TLE4: variants seen among roughly 807,000 people sequenced by gnomAD.
TLE4 encodes the protein TLE family member 4, transcriptional corepressor, also known as transducin-like enhancer protein 4.
A neutral mutation model predicts 92.8 loss-of-function variants in TLE4; 8 were observed. The ratio of observed to expected loss-of-function variants is 0.09; its 90% confidence interval spans 0.05 to 0.16. The LOEUF is 0.16. Ranked by LOEUF, TLE4 falls within the 10% of genes least tolerant of loss-of-function variation. TLE4 has a pLI of 1.00. For missense variants in TLE4, 675 were observed against 997.6 expected (o/e 0.68, Z 4.36); for synonymous variants, 371 against 374.1 (o/e 0.99, Z 0.10).
chr9:79,578,432 A>G (rs1157676607), intron 4 of TLE4, among the ~76,000 whole-genome samples: 2 of 152,298 alleles, frequency 1.3e-5, no homozygotes, highest in East Asian at 3.9e-4. Context: ...GCCACAGAAT[A>G]TTTATTTTTA....
At chr9:79,601,506 T>G (rs2045652928) in intron 4 of TLE4, 1 of 453,880 alleles carries the variant, frequency 2.2e-6, no homozygotes, top group African/African-American at 2.0e-5. Flanking sequence ...TGTGTCACAT[T>G]TTGGTAACTC....
chr9:79,708,144 A>G lies in TLE4; in HGVS notation c.963A>G (p.Ser321=). The part of the protein sequence containing the change: ...SLNEKSTTPV[S]KSNTPTPRTD... ...ATGAAAAATCTACTACTCCCGTCTC[A>G]AAGTCCAATACCCCTACTCCACGAA... The change falls in exon 12 of 20, where the codon TCA becomes TCG. Residue 321 remains serine (S), a synonymous_variant. Transcript: ENST00000376552. 4.3e-6 allele frequency: 7 copies of G among 1,614,056 alleles called. No individual in the cohort carries two copies. The highest frequency in any genetic ancestry group is 5.9e-6 in the Non-Finnish European group (7 of 1,179,956).
intron 8 of TLE4, among the ~76,000 whole-genome samples, chr9:79,681,662 T>C (rs1459427682): frequency 6.6e-6 from 1 of 152,100 alleles, no homozygotes; most frequent in African/African-American, 2.4e-5. Context: ...ACAGATCTGT[T>C]CAGTGATTCT....
intron 8 of TLE4, among the ~76,000 whole-genome samples, 155 bp downstream of exon 8, chr9:79,654,230 ATTTTTTT>A (rs35639126): frequency 7.6e-6 from 1 of 131,266 alleles, no homozygotes; most frequent in South Asian, 2.4e-4. Flanking sequence ...TGTGTGGTTG[ATTTTTTT>A]TTTTTTTTTT....
intron 6 of TLE4, among the ~76,000 whole-genome samples, chr9:79,631,634 G>GTGTGTGTGTGTA (rs1167126442): frequency 2.0e-5 from 3 of 150,380 alleles, no homozygotes; most frequent in South Asian, 2.1e-4. Flanking sequence ...GTGTGTGTGT[G>GTGTGTGTGTGTA]TGTGTGTGTG....
intron 6 of TLE4, among the ~76,000 whole-genome samples, chr9:79,642,208 G>A (rs1183483034): frequency 6.6e-6 from 1 of 151,666 alleles, no homozygotes; most frequent in Non-Finnish European, 1.5e-5. Flanking sequence ...AAGCAGATAG[G>A]CTTTTTAAAT....
intron 8 of TLE4, among the ~76,000 whole-genome samples, chr9:79,692,901 T>C (rs905629177): frequency 3.3e-5 from 5 of 152,192 alleles, no homozygotes. Context: ...ATTCAGACTA[T>C]AGCAGTGACA....
chr9:79,587,314 G>A (rs1003286881), intron 4 of TLE4, among the ~76,000 whole-genome samples: 15 of 152,300 alleles, frequency 9.8e-5, no homozygotes, highest in African/African-American at 3.6e-4. Context: ...AGCAAAAAAG[G>A]CCTAGATAGG....
intron 4 of TLE4, among the ~76,000 whole-genome samples, chr9:79,599,691 G>A (rs1265988838): frequency 1.3e-5 from 2 of 152,168 alleles, no homozygotes; most frequent in South Asian, 4.1e-4. Flanking sequence ...AGTGTGTGAG[G>A]TCGTCTGATA....
intron 8 of TLE4, among the ~76,000 whole-genome samples, chr9:79,673,748 C>T (rs1164126010): frequency 6.6e-6 from 1 of 152,146 alleles, no homozygotes; most frequent in Admixed American, 6.5e-5. Flanking sequence ...TTACATGTTA[C>T]TTCTTGTCAA....
intron 8 of TLE4, among the ~76,000 whole-genome samples, chr9:79,667,331 G>A (rs1487398732): frequency 2.0e-5 from 3 of 152,178 alleles, no homozygotes; most frequent in Non-Finnish European, 4.4e-5. Context: ...CACGTCAGGG[G>A]CCCTTCTCCT....
chr9:79,597,832 C>T (rs899830584), intron 4 of TLE4, among the ~76,000 whole-genome samples: 33 of 152,004 alleles, frequency 2.2e-4, no homozygotes, highest in African/African-American at 6.3e-4. Context: ...AAAATGGGGA[C>T]GAGAGTAATC....
chr9:79,622,715 C>T (rs150827260), intron 5 of TLE4, among the ~76,000 whole-genome samples: 5 of 152,296 alleles, frequency 3.3e-5, no homozygotes, highest in South Asian at 2.1e-4. Context: ...ACCACAGTGC[C>T]TGGTGCCATA....
intron 6 of TLE4, among the ~76,000 whole-genome samples, chr9:79,648,002 G>A (rs1213796916): frequency 3.3e-5 from 5 of 152,026 alleles, no homozygotes; most frequent in Non-Finnish European, 7.4e-5. Flanking sequence ...TTGATTAGTA[G>A]TAAAGCTGAG....
intron 8 of TLE4, among the ~76,000 whole-genome samples, chr9:79,698,656 G>A (rs949024986): frequency 9.2e-5 from 14 of 151,912 alleles, no homozygotes; most frequent in Admixed American, 5.9e-4. Context: ...TTACTGTGAT[G>A]AGCAGTAAAC....
At chr9:79,690,705 C>G (rs1486381069) in intron 8 of TLE4, among the ~76,000 whole-genome samples, 1 of 151,478 alleles carries the variant, frequency 6.6e-6, no homozygotes, top group Admixed American at 6.6e-5. Flanking sequence ...CTGCAGCCTC[C>G]CAGGCTCGAG....
At chr9:79,649,997 C>CCAGGGAGGT in intron 6 of TLE4, 2 of 679,244 alleles carry the variant, frequency 2.9e-6, no homozygotes, top group Non-Finnish European at 4.3e-6. Context: ...CTCACTGCAG[C>CCAGGGAGGT]CATGACCTCC....
intron 8 of TLE4, among the ~76,000 whole-genome samples, chr9:79,668,424 T>G (rs1588036998): frequency 1.3e-5 from 2 of 152,232 alleles, no homozygotes; most frequent in South Asian, 2.1e-4. Context: ...AAGTGGAAGG[T>G]GTATTCGGTG....
intron 8 of TLE4, among the ~76,000 whole-genome samples, chr9:79,675,031 G>C (rs150242907): frequency 6.6e-6 from 1 of 152,200 alleles, no homozygotes; most frequent in Admixed American, 6.5e-5. Flanking sequence ...AAAAAGGGTA[G>C]TTTTTGTTTG....
Sources: allele counts gnomAD v4.1 joint callset (sites outside exome capture counted in the v4.1 genomes callset), GRCh38; gene constraint gnomAD v4.1.1; transcripts MANE v1.5; gene names NCBI Gene and HGNC (gene_info 2026-07-23, HGNC 2026-07-21).